CSMD1: variants seen among roughly 807,000 people sequenced by gnomAD.
CSMD1 encodes the protein CUB and Sushi multiple domains 1.
A neutral mutation model predicts 417.5 loss-of-function variants in CSMD1; 213 were observed. The observed-to-expected ratio is 0.51, with a 90% CI of 0.46 to 0.57. The LOEUF is 0.57. CSMD1 is among the 20% of genes least tolerant of loss of function. The pLI is 0.00. For synonymous variants in CSMD1, 2,862 were observed against 1,736.8 expected (o/e 1.65, Z -16.11); for missense variants, 6,923 against 4,529.7 (o/e 1.53, Z -15.17).
chr8:3,221,570 T>C (rs1054734839), intron 28 of CSMD1, among the ~76,000 whole-genome samples: 1 of 145,852 alleles, frequency 6.9e-6, no homozygotes, highest in African/African-American at 2.6e-5. Flanking sequence ...ACACTATATA[T>C]CCCATCTGCT....
At chr8:4,471,054 C>T (rs866459615) in intron 2 of CSMD1, among the ~76,000 whole-genome samples, 6 of 152,132 alleles carry the variant, frequency 3.9e-5, no homozygotes, top group South Asian at 2.1e-4. Flanking sequence ...GTCTAATTTC[C>T]TCATTAATAA....
Position 3,422,159 on chromosome 8 carries a change from C to G in CSMD1, c.1562-12554G>C, listed in dbSNP as rs542574468. Among the ~76,000 whole-genome samples the G allele has an allele frequency of 9.2e-5, 14 of 152,288 alleles. No individual in the cohort carries two copies. In the South Asian group the frequency reaches 2.1e-3, roughly 23 times the overall value. On this transcript the variant is annotated intron_variant, in intron 12 of 69. Coordinates refer to ENST00000635120, the MANE Select transcript of CSMD1 (RefSeq NM_033225.6). ...TCTACTCTGCACCAGTGTTTCATTCCTTTGAAACTTAGTTTCACTTATTTT... is the reference window on the plus strand; with the variant it reads ...TCTACTCTGCACCAGTGTTTCATTCGTTTGAAACTTAGTTTCACTTATTTT...
At chr8:4,009,010 C>T (rs765581228) in intron 4 of CSMD1, among the ~76,000 whole-genome samples, 3 of 151,986 alleles carry the variant, frequency 2.0e-5, no homozygotes, top group Admixed American at 6.6e-5. Flanking sequence ...GTGCCCATAC[C>T]GAATTTCCAT....
intron 1 of CSMD1, among the ~76,000 whole-genome samples, chr8:4,937,225 T>C (rs573505554): frequency 2.0e-5 from 3 of 151,962 alleles, no homozygotes; most frequent in African/African-American, 7.2e-5. Context: ...AATAAATAAA[T>C]AAATAAAATT....
chr8:4,755,604 G>A (rs935849698), intron 1 of CSMD1, among the ~76,000 whole-genome samples: 7 of 152,080 alleles, frequency 4.6e-5, no homozygotes, highest in African/African-American at 1.7e-4. Flanking sequence ...TTATCAGATG[G>A]AAAGTTACTT....
rs1302579935 is a variant in CSMD1, at chr8:4,555,533, C to T, written c.302+81809G>A. On this transcript the variant is annotated intron_variant, in intron 2 of 69. Transcript: ENST00000635120. ...TGGTTTTCTACTCTCCATCTGCATC[C>T]CAGTTCCTTTTTCCTGTTACAATTG... is the stretch of plus-strand genomic sequence containing the variant. Among the ~76,000 whole-genome samples the T allele has an allele frequency of 3.9e-5, 6 of 152,254 alleles. No individual in the cohort carries two copies. In the South Asian group the frequency reaches 1.0e-3, roughly 26 times the overall value.
chr8:4,311,931 C>CAA (rs1207922948), intron 3 of CSMD1, among the ~76,000 whole-genome samples: 1 of 151,876 alleles, frequency 6.6e-6, no homozygotes, highest in Admixed American at 6.6e-5. Flanking sequence ...ACCTGTGTAA[C>CAA]AAACCTTCAC....
intron 1 of CSMD1, among the ~76,000 whole-genome samples, chr8:4,869,870 T>C (rs1802635158): frequency 6.6e-6 from 1 of 152,090 alleles, no homozygotes; most frequent in East Asian, 1.9e-4. Flanking sequence ...ATTCTCTTTT[T>C]TCAATGAAAA....
In CSMD1 at chr8:4,697,589, C is replaced by G. The variant is rs1807222501; in HGVS notation, c.86-60031G>C. ...ATTGTAGTATTCAAGTGACTATTGA[C>G]TAGAGTTCAGTCAATAAGTTCAACA... On this transcript the variant is annotated intron_variant, in intron 1 of 69. Coordinates refer to ENST00000635120, the MANE Select transcript of CSMD1 (RefSeq NM_033225.6). Among the ~76,000 whole-genome samples, 4 of 152,038 alleles carry G rather than the reference C, an allele frequency of 2.6e-5. No individual in the cohort carries two copies. The South Asian group carries it at 8.3e-4, about 32-fold the overall frequency.
At chr8:3,883,751 A>G (rs1806368813) in intron 5 of CSMD1, among the ~76,000 whole-genome samples, 1 of 152,146 alleles carries the variant, frequency 6.6e-6, no homozygotes, top group Non-Finnish European at 1.5e-5. Flanking sequence ...AACTGAAACC[A>G]GTCATCTTAA....
chr8:4,140,834 G>C (rs1269253420), intron 3 of CSMD1, among the ~76,000 whole-genome samples: 3 of 150,892 alleles, frequency 2.0e-5, no homozygotes, highest in East Asian at 1.9e-4. Context: ...CCTCACTCCA[G>C]GTTTCAAATC....
intron 1 of CSMD1, among the ~76,000 whole-genome samples, chr8:4,755,999 G>A (rs1811644122): frequency 6.6e-6 from 1 of 152,120 alleles, no homozygotes; most frequent in African/African-American, 2.4e-5. Context: ...TTTAGTATGT[G>A]TGAGTATTAA....
chr8:4,815,133 C>A (rs1165530543), intron 1 of CSMD1, among the ~76,000 whole-genome samples: 1 of 151,942 alleles, frequency 6.6e-6, no homozygotes, highest in Non-Finnish European at 1.5e-5. Context: ...ACATCTAGGT[C>A]AATATCAGGA....
chr8:3,018,256 C>T (rs1464206354), intron 52 of CSMD1, among the ~76,000 whole-genome samples: 1 of 152,126 alleles, frequency 6.6e-6, no homozygotes, highest in Non-Finnish European at 1.5e-5. Flanking sequence ...TGCAAGATTG[C>T]CTTTATGGCA....
At chr8:3,761,613 C>T (rs1281877694) in intron 5 of CSMD1, among the ~76,000 whole-genome samples, 1 of 147,488 alleles carries the variant, frequency 6.8e-6, no homozygotes, top group South Asian at 2.2e-4. Context: ...TCAAGCCATT[C>T]TCCTGCCTCA....
At chr8:4,722,744 C>T (rs1809142843) in intron 1 of CSMD1, among the ~76,000 whole-genome samples, 1 of 152,030 alleles carries the variant, frequency 6.6e-6, no homozygotes, top group African/African-American at 2.4e-5. Context: ...ATTTGGTAGT[C>T]GTCAGGAAAA....
At chr8:3,104,254 C>T (rs531526939) in intron 46 of CSMD1, among the ~76,000 whole-genome samples, 10 of 152,248 alleles carry the variant, frequency 6.6e-5, no homozygotes, top group Non-Finnish European at 1.5e-4. Flanking sequence ...ATCCCCCCAC[C>T]TTGAGGAAAG....
chr8:4,430,727 CA>C (rs1797826920), intron 2 of CSMD1, among the ~76,000 whole-genome samples: 3 of 152,006 alleles, frequency 2.0e-5, no homozygotes, highest in Non-Finnish European at 2.9e-5. Flanking sequence ...ATTTTGCCCC[CA>C]AGCATGAAAC....
At chr8:4,693,736 A>G (rs563265549) in intron 1 of CSMD1, among the ~76,000 whole-genome samples, 3 of 31,644 alleles carry the variant, frequency 9.5e-5, no homozygotes, top group Non-Finnish European at 1.6e-4. Flanking sequence ...CTATTCATAG[A>G]TGTGATCATA....
Sources: gnomAD v4.1 joint callset for allele counts (sites outside exome capture counted in the v4.1 genomes callset) on GRCh38, gnomAD v4.1.1 for gene constraint, MANE v1.5 for transcripts, NCBI Gene and HGNC (gene_info 2026-07-23, HGNC 2026-07-21) for gene names.